DLG2: variants seen among roughly 807,000 people sequenced by gnomAD.
DLG2 encodes discs large MAGUK scaffold protein 2, also known as disks large homolog 2.
DLG2 carries 45 observed loss-of-function variants against 132.5 expected under a neutral mutation model. The ratio of observed to expected loss-of-function variants is 0.34; its 90% CI spans 0.27 to 0.44. The LOEUF (loss-of-function observed/expected upper bound fraction) is 0.44, where lower values mean the gene tolerates loss of function less well. DLG2 is among the 20% of genes least tolerant of loss of function. DLG2 has a pLI of 1.00. For missense variants in DLG2, 1,045 were observed against 1,196.9 expected (o/e 0.87, Z 1.87); for synonymous variants, 424 against 419.6 (o/e 1.01, Z -0.13).
intron 4 of DLG2, among the ~76,000 whole-genome samples, chr11:85,224,296 G>A (rs1245521475): frequency 1.3e-5 from 2 of 152,152 alleles, no homozygotes; most frequent in Non-Finnish European, 2.9e-5. Flanking sequence ...TTGAGTTCAT[G>A]ATAAGAGTAG....
At chr11:84,273,385 C>T (rs1042760970) in intron 7 of DLG2, 4 of 1,278,966 alleles carry the variant, frequency 3.1e-6, no homozygotes, top group Non-Finnish European at 4.0e-6. Context: ...AAACTGCTAT[C>T]TTAAGACTTA....
rs368708766 is a variant in DLG2 at position 85,407,555 on chromosome 11, G to C, written c.41-122190C>G. 1.1e-4 allele frequency among the ~76,000 whole-genome samples: 16 copies of C among 151,796 alleles called. No homozygotes were observed. In the East Asian group the frequency reaches 1.2e-3, roughly 11 times the overall value. Reference sequence around the variant, plus strand: ...TAGATTTCCTTCTGAAGTGGACTAGGAGGCAAGAATTTGAGTGCAATTTGC... The same window carrying C: ...TAGATTTCCTTCTGAAGTGGACTAGCAGGCAAGAATTTGAGTGCAATTTGC... On this transcript the variant is annotated intron_variant, in intron 3 of 27. Transcript: ENST00000376104.
intron 6 of DLG2, among the ~76,000 whole-genome samples, chr11:84,987,812 A>C (rs535026434): frequency 6.4e-4 from 97 of 152,294 alleles, no homozygotes; most frequent in Non-Finnish European, 1.3e-3. Flanking sequence ...AAACTATAAA[A>C]ATTCTCGATG....
chr11:84,151,482 T>C (rs1271796441), intron 9 of DLG2, among the ~76,000 whole-genome samples: 2 of 152,160 alleles, frequency 1.3e-5, no homozygotes, highest in Non-Finnish European at 2.9e-5. Context: ...ATCTTGTTTA[T>C]CTTTTTAAAG....
At chr11:85,487,420 TA>T (rs796957220) in intron 3 of DLG2, among the ~76,000 whole-genome samples, 8,366 of 108,040 alleles carry the variant, frequency 0.077, 354 homozygotes, top group African/African-American at 0.16. Flanking sequence ...ACCAAAAAAT[TA>T]AAAAAAAAAA....
chr11:84,710,145 A>T (rs758213339), intron 6 of DLG2, among the ~76,000 whole-genome samples: 1 of 151,968 alleles, frequency 6.6e-6, no homozygotes, highest in East Asian at 1.9e-4. Context: ...AATTCATGTC[A>T]AGTCCTTAGA....
intron 6 of DLG2, among the ~76,000 whole-genome samples, chr11:84,821,658 AAC>A (rs1491331318): frequency 9.2e-5 from 14 of 151,426 alleles, no homozygotes; most frequent in African/African-American, 3.1e-4. Flanking sequence ...CAACAAAAAA[AAC>A]AAAAAAACAA....
intron 10 of DLG2, among the ~76,000 whole-genome samples, chr11:84,097,106 C>T (rs1445845842): frequency 2.0e-5 from 3 of 152,188 alleles, no homozygotes; most frequent in African/African-American, 7.2e-5. Context: ...TCACAGTCCT[C>T]AATGTGGCTC....
chr11:85,346,288 C>G (rs551776535), intron 3 of DLG2, among the ~76,000 whole-genome samples: 1 of 151,500 alleles, frequency 6.6e-6, no homozygotes, highest in African/African-American at 2.4e-5. Flanking sequence ...CCTGGGTTCA[C>G]GCCATTCTCC....
At chr11:84,065,591 A>G (rs2096658642) in intron 10 of DLG2, among the ~76,000 whole-genome samples, 1 of 152,268 alleles carries the variant, frequency 6.6e-6, no homozygotes, top group African/African-American at 2.4e-5. Flanking sequence ...GTTGTGAAGA[A>G]AAGGGAATGC....
At chr11:84,142,035 G>A (rs2094872482) in intron 9 of DLG2, among the ~76,000 whole-genome samples, 1 of 151,960 alleles carries the variant, frequency 6.6e-6, no homozygotes, top group Admixed American at 6.6e-5. Flanking sequence ...CGGGCATGAT[G>A]GCTCACCCCT....
At chr11:85,570,415 GTGT>G (rs1306555279) in intron 3 of DLG2, among the ~76,000 whole-genome samples, 3 of 152,156 alleles carry the variant, frequency 2.0e-5, no homozygotes, top group African/African-American at 7.2e-5. Context: ...TTGGTTTACA[GTGT>G]TGTTTGGTGT....
At chr11:84,788,084 G>A (rs1172337391) in intron 6 of DLG2, among the ~76,000 whole-genome samples, 1 of 112,630 alleles carries the variant, frequency 8.9e-6, no homozygotes, top group African/African-American at 3.4e-5. Context: ...CTGGGTGACA[G>A]AGTGTGAATA....
intron 18 of DLG2, among the ~76,000 whole-genome samples, chr11:83,648,411 A>T (rs138219338): frequency 6.6e-6 from 1 of 152,262 alleles, no homozygotes; most frequent in Non-Finnish European, 1.5e-5. Flanking sequence ...GCCTCTGAAG[A>T]GGAGAAATTT....
intron 6 of DLG2, among the ~76,000 whole-genome samples, chr11:84,922,822 C>T (rs565224835): frequency 1.1e-4 from 17 of 150,586 alleles, no homozygotes; most frequent in Non-Finnish European, 2.2e-4. Context: ...TTCTTCCCCC[C>T]TCTCCACCCC....
intron 12 of DLG2, 119 bp downstream of exon 12, chr11:83,980,384 CCAT>C (rs2092679838): frequency 3.7e-6 from 4 of 1,088,148 alleles, no homozygotes; most frequent in Non-Finnish European, 5.1e-6. Flanking sequence ...TAGATTTCTG[CCAT>C]TTTAAGCCAC....
intron 3 of DLG2, among the ~76,000 whole-genome samples, chr11:85,319,495 A>G (rs1365127212): frequency 6.6e-6 from 1 of 151,820 alleles, no homozygotes. Flanking sequence ...TTTTATGGCT[A>G]TATCATATAA....
intron 8 of DLG2, among the ~76,000 whole-genome samples, chr11:84,208,682 A>G (rs1032771653): frequency 2.0e-5 from 3 of 152,322 alleles, no homozygotes; most frequent in African/African-American, 7.2e-5. Flanking sequence ...TGAAAGAAAA[A>G]TAAAGAAAAT....
intron 8 of DLG2, among the ~76,000 whole-genome samples, chr11:84,194,337 G>T (rs1227595052): frequency 6.6e-6 from 1 of 152,118 alleles, no homozygotes; most frequent in Non-Finnish European, 1.5e-5. Context: ...GTTCAGATGT[G>T]CCCGGAGTTT....
Sources: allele counts gnomAD v4.1 joint callset (sites outside exome capture counted in the v4.1 genomes callset), GRCh38; gene constraint gnomAD v4.1.1; transcripts MANE v1.5; gene names NCBI Gene and HGNC (gene_info 2026-07-23, HGNC 2026-07-21).